The following PCDHA1 variants were observed in gnomAD, a reference collection of about 807,000 sequenced individuals.
The protein encoded by PCDHA1 is protocadherin alpha 1.
A neutral mutation model predicts 61.3 loss-of-function variants in PCDHA1; 42 were observed. The observed-to-expected ratio is 0.69, with a 90% CI of 0.54 to 0.89. PCDHA1 has a LOEUF of 0.89. Ranked by LOEUF, PCDHA1 falls within the 40% of genes least tolerant of loss-of-function variation. The pLI is 0.00. For missense variants in PCDHA1, 1,256 were observed against 1,235.3 expected (o/e 1.02, Z -0.25); for synonymous variants, 610 against 553.8 (o/e 1.10, Z -1.43).
chr5:140,836,356 C>T (rs2150258608), intron 1 of PCDHA1: 5 of 1,613,550 alleles, frequency 3.1e-6, no homozygotes, highest in South Asian at 2.2e-5. Context: ...GGGGAGCCCT[C>T]GCTGACAGCC....
At chr5:140,872,306 G>A (rs897321353) in intron 1 of PCDHA1, among the ~76,000 whole-genome samples, 4 of 151,928 alleles carry the variant, frequency 2.6e-5, no homozygotes, top group African/African-American at 9.7e-5. Context: ...CTTATATGCT[G>A]CTTTATGGAA....
At chr5:140,858,414 T>C (rs2045398069) in intron 1 of PCDHA1, 1 of 1,562,782 alleles carries the variant, frequency 6.4e-7, no homozygotes. Flanking sequence ...GATCAGTCTA[T>C]TGGAGGGGAC....
Position 140,847,952 on chromosome 5 carries a change from A to T in PCDHA1, c.2394+59268A>T, listed in dbSNP as rs185156520. The T allele has an allele frequency of 1.9e-3, 295 of 152,428 alleles. 32 individuals are homozygous for T. Among genetic ancestry groups the T allele is most frequent in the Non-Finnish European group, 3.3e-3 (228 of 68,582 alleles). 9.4% of individuals were successfully genotyped at this position (152,428 alleles called of 1,614,324 possible). A position where few individuals can be genotyped will look rare whatever the true frequency, so the allele number is the denominator to read the frequency against. On this transcript the variant is annotated intron_variant, in intron 1 of 3. Coordinates refer to ENST00000504120, the MANE Select transcript of PCDHA1 (RefSeq NM_018900.4). ...ATTGCAACTCCTGGATTTCTCTTAC[A>T]CTAGAATCCTATTTCGAGCCATATG...
intron 1 of PCDHA1, chr5:140,843,938 G>C: frequency 1.7e-6 from 1 of 572,224 alleles, no homozygotes; most frequent in East Asian, 2.9e-5. Flanking sequence ...GTTATGGTTG[G>C]ATGATATCCA....
intron 1 of PCDHA1, among the ~76,000 whole-genome samples, chr5:140,790,976 G>T (rs1761612638): frequency 1.3e-5 from 2 of 152,160 alleles, no homozygotes; most frequent in Non-Finnish European, 2.9e-5. Flanking sequence ...AATATGAATG[G>T]ATTTCCCATT....
chr5:140,809,232 C>T (rs1190740414), intron 1 of PCDHA1: 1 of 1,614,062 alleles, frequency 6.2e-7, no homozygotes, highest in Non-Finnish European at 8.5e-7. Flanking sequence ...TCCTCACGGG[C>T]GTTGGTGGGC....
intron 1 of PCDHA1, chr5:140,857,893 T>A (rs781996912): frequency 6.3e-7 from 1 of 1,596,578 alleles, no homozygotes; most frequent in South Asian, 1.1e-5. Flanking sequence ...CGGCGGCGGT[T>A]GGTGCACGCA....
Position 140,857,393 on chromosome 5 carries a change from G to C in PCDHA1, c.2394+68709G>C, listed in dbSNP as rs146099067. On this transcript the variant is annotated intron_variant, in intron 1 of 3. Coordinates refer to ENST00000504120, the MANE Select transcript of PCDHA1 (RefSeq NM_018900.4). The stretch of plus-strand genomic sequence containing the variant: ...GTCTGTGGAGGTGGCCGACGTGAAC[G>C]ACAACGCGCCTGCGTTCGCGCAGTC... The C allele has an allele frequency of 3.2e-4, 519 of 1,598,492 alleles. 32 individuals carry two copies. In the African/African-American group the frequency reaches 5.9e-3, roughly 18 times the overall value.
At chr5:140,857,932 C>A (rs1393571264) in intron 1 of PCDHA1, 1 of 1,597,630 alleles carries the variant, frequency 6.3e-7, no homozygotes, top group African/African-American at 1.3e-5. Flanking sequence ...TGTACACGGG[C>A]GAGATCAGTA....
intron 1 of PCDHA1, among the ~76,000 whole-genome samples, chr5:140,792,902 G>A (rs1554118849): frequency 6.6e-6 from 1 of 152,170 alleles, no homozygotes; most frequent in Non-Finnish European, 1.5e-5. Flanking sequence ...TACATGCCAT[G>A]ACCTCCACTT....
intron 1 of PCDHA1, among the ~76,000 whole-genome samples, chr5:140,924,224 T>A (rs1266072324): frequency 6.6e-6 from 1 of 152,220 alleles, no homozygotes; most frequent in Non-Finnish European, 1.5e-5. Context: ...TAAGTTCAAT[T>A]TTTATGGGCT....
At chr5:140,982,230 C>G (rs943404054) in intron 2 of PCDHA1, 9 of 619,854 alleles carry the variant, frequency 1.5e-5, no homozygotes, top group Admixed American at 3.8e-5. Flanking sequence ...TAATAAAAAA[C>G]AGAATTGCCA....
intron 1 of PCDHA1, chr5:140,797,344 G>A (rs1054822282): frequency 1.9e-6 from 3 of 1,613,766 alleles, no homozygotes; most frequent in East Asian, 2.2e-5. Flanking sequence ...ATCAGAATAC[G>A]TAGGAAAGGT....
At chr5:140,870,535 G>C (rs1279597936) in intron 1 of PCDHA1, 2 of 1,614,056 alleles carry the variant, frequency 1.2e-6, no homozygotes, top group Non-Finnish European at 8.5e-7. Context: ...CACAGTGTCG[G>C]CGCGGGACGC....
At chr5:140,836,986 CTT>C (rs1370800263) in intron 1 of PCDHA1, 2 of 355,684 alleles carry the variant, frequency 5.6e-6, no homozygotes, top group Non-Finnish European at 9.9e-6. Context: ...TGGAGGAGGA[CTT>C]TGCTAACTGG....
At chr5:140,890,693 G>C (rs980920550) in intron 1 of PCDHA1, among the ~76,000 whole-genome samples, 7 of 151,828 alleles carry the variant, frequency 4.6e-5, no homozygotes, top group Non-Finnish European at 8.8e-5. Flanking sequence ...GGAAATGCAG[G>C]GACCTTACAT....
chr5:140,822,140 T>A (rs2150114036), intron 1 of PCDHA1: 5 of 1,614,222 alleles, frequency 3.1e-6, no homozygotes, highest in Non-Finnish European at 4.2e-6. Flanking sequence ...GAGGTGGCAG[T>A]GAAGGACATC....
At chr5:140,843,639 GC>G in intron 1 of PCDHA1, 1 of 1,595,772 alleles carries the variant, frequency 6.3e-7, no homozygotes, top group Non-Finnish European at 8.6e-7. Flanking sequence ...ATGGCCTTCA[GC>G]CCCTGCCTTC....
At chr5:140,910,935 C>T (rs192394348) in intron 1 of PCDHA1, among the ~76,000 whole-genome samples, 4 of 152,192 alleles carry the variant, frequency 2.6e-5, no homozygotes, top group African/African-American at 9.6e-5. Context: ...TAAGAAAGCT[C>T]AAGCAGTTCT....
Sources: allele counts gnomAD v4.1 joint callset (sites outside exome capture counted in the v4.1 genomes callset), GRCh38; gene constraint gnomAD v4.1.1; transcripts MANE v1.5; gene names NCBI Gene and HGNC (gene_info 2026-07-23, HGNC 2026-07-21).